The following RNF130 variants were observed in gnomAD, a reference collection of about 807,000 sequenced individuals.
The protein encoded by RNF130 is ring finger protein 130.
A neutral mutation model predicts 44.6 loss-of-function variants in RNF130; 21 were observed. That is an observed-to-expected ratio of 0.47 (90% CI 0.33 to 0.68). The LOEUF (loss-of-function observed/expected upper bound fraction) is 0.68. RNF130 is among the 30% of genes least tolerant of loss of function. The pLI is 0.02. For synonymous variants in RNF130, 214 were observed against 210.4 expected, an observed-to-expected ratio of 1.02 and a Z score of -0.15; for missense variants, 479 against 560.6, an observed-to-expected ratio of 0.85 and a Z score of 1.47.
intron 7 of RNF130, among the ~76,000 whole-genome samples, chr5:179,946,831 G>C (rs1444946465): frequency 6.6e-6 from 1 of 152,204 alleles, no homozygotes; most frequent in Non-Finnish European, 1.5e-5. Flanking sequence ...TGGGATTACA[G>C]ACGTCAGCCA....
At chr5:180,058,553 A>G (rs1249114695) in intron 1 of RNF130, among the ~76,000 whole-genome samples, 1 of 151,782 alleles carries the variant, frequency 6.6e-6, no homozygotes, top group Non-Finnish European at 1.5e-5. Flanking sequence ...TTTAATGGGT[A>G]TGTTTTTATT....
chr5:179,920,005 G>C (rs1454906298), exon 8 of RNF130: 1 of 301,906 alleles, frequency 3.3e-6, no homozygotes, highest in Non-Finnish European at 6.3e-6. Flanking sequence ...ATTGTTCAGA[G>C]ATGCGTCTGC....
intron 2 of RNF130, among the ~76,000 whole-genome samples, chr5:180,015,114 C>T (rs1403202372): frequency 6.6e-6 from 1 of 152,062 alleles, no homozygotes; most frequent in Non-Finnish European, 1.5e-5. Context: ...ACCAGAATAC[C>T]GATTAAAAAT....
In RNF130 at chr5:179,936,452, C is replaced by T. The variant is rs138665033; in HGVS notation, c.1151-16026G>A. 1.2e-3 allele frequency among the ~76,000 whole-genome samples: 181 copies of T among 152,172 alleles called. 1 individual carries two copies. Among genetic ancestry groups the T allele is most frequent in the African/African-American group, 3.5e-3 (147 of 41,498 alleles). ...TCATGTTGCCCAGGCTTGTCTTGAA[C>T]GCCTGAGCTCAAGCAATCCTCCTGT... On this transcript the variant is annotated intron_variant, in intron 7 of 7. Transcript: ENST00000522208.
chr5:179,971,483 C>T (rs1205306343), intron 5 of RNF130, among the ~76,000 whole-genome samples: 3 of 152,306 alleles, frequency 2.0e-5, no homozygotes, highest in Non-Finnish European at 4.4e-5. Context: ...CATTCTCCTG[C>T]CTTAGCCTCA....
chr5:180,059,352 G>C (rs1764917314), intron 1 of RNF130, among the ~76,000 whole-genome samples: 1 of 152,156 alleles, frequency 6.6e-6, no homozygotes, highest in Admixed American at 6.5e-5. Context: ...CCAAGACTAT[G>C]ATTAAATAAT....
At chr5:179,957,022 C>T (rs920227927) in intron 8 of RNF130, among the ~76,000 whole-genome samples, 2 of 152,228 alleles carry the variant, frequency 1.3e-5, no homozygotes, top group African/African-American at 4.8e-5. Flanking sequence ...TAAGGTAACA[C>T]ATTTTCTAAT....
At chr5:180,002,164 C>T (rs1763360409) in intron 3 of RNF130, among the ~76,000 whole-genome samples, 2 of 152,192 alleles carry the variant, frequency 1.3e-5, no homozygotes, top group Non-Finnish European at 2.9e-5. Context: ...GGAGGCGTGG[C>T]GCTGCTTCAA....
At chr5:180,042,281 C>A (rs1764437586) in intron 1 of RNF130, among the ~76,000 whole-genome samples, 1 of 152,156 alleles carries the variant, frequency 6.6e-6, no homozygotes, top group Non-Finnish European at 1.5e-5. Context: ...TGAGAGACTG[C>A]ACCAAGAGTG....
In RNF130 at chr5:180,015,466, AG is replaced by A. The variant is rs370980975; in HGVS notation, c.443-2156del. 71 of 412,034 alleles carry A rather than the reference AG, an allele frequency of 1.7e-4. No individual in the cohort carries two copies. In the East Asian group the frequency reaches 1.8e-3, roughly 10 times the overall value. The allele number at this position is 412,034 out of a possible 1,614,324, so 25.5% of individuals were successfully genotyped here. A position where few individuals can be genotyped will look rare whatever the true frequency, so the allele number is the denominator to read the frequency against. On this transcript the variant is annotated intron_variant, in intron 2 of 8. Coordinates refer to ENST00000521389, the MANE Select transcript of RNF130 (RefSeq NM_018434.6). ...CTGGAAAAGGAGTAGGGAAAGGAGT[AG>A]GGAAAGGAGTAGGGAAAGGAGTAGG...
chr5:179,989,782 T>C (rs1763037794), intron 3 of RNF130, among the ~76,000 whole-genome samples: 1 of 152,208 alleles, frequency 6.6e-6, no homozygotes, highest in Non-Finnish European at 1.5e-5. Flanking sequence ...CTAGCTGTTT[T>C]GTAAATTCTT....
Position 179,935,707 on chromosome 5 carries a change from TTCTC to T in RNF130, c.1151-15285_1151-15282del, listed in dbSNP as rs570512050. Reference sequence around the variant, plus strand: ...TGGATGACTTTTTGTTATTACAGTTTTCTCTCTATTAGTGTATTATATTATTATT... The same window carrying T: ...TGGATGACTTTTTGTTATTACAGTTTTCTATTAGTGTATTATATTATTATT... On this transcript the variant is annotated intron_variant, in intron 7 of 7. Coordinates refer to the RNF130 transcript ENST00000522208. Among the ~76,000 whole-genome samples the T allele has an allele frequency of 7.6e-4, 116 of 152,292 alleles. 1 individual carries two copies. Among genetic ancestry groups the T allele is most frequent in the Admixed American group, 9.2e-4 (14 of 15,288 alleles).
chr5:180,039,392 G>A (rs781222838), intron 2 of RNF130, among the ~76,000 whole-genome samples: 37 of 151,814 alleles, frequency 2.4e-4, no homozygotes, highest in Non-Finnish European at 4.6e-4. Flanking sequence ...ACCCTCCACC[G>A]TGCCCAGCTA....
chr5:180,046,860 G>A (rs1400850834), intron 1 of RNF130, among the ~76,000 whole-genome samples: 1 of 152,166 alleles, frequency 6.6e-6, no homozygotes, highest in Non-Finnish European at 1.5e-5. Context: ...GTTTACTTCT[G>A]AGGCTTTCCT....
intron 2 of RNF130, among the ~76,000 whole-genome samples, chr5:180,018,255 A>G (rs1409795897): frequency 6.6e-6 from 1 of 151,192 alleles, no homozygotes; most frequent in Non-Finnish European, 1.5e-5. Context: ...AGACTGTGCC[A>G]CTGCACTCCA....
chr5:180,053,418 G>A (rs1764733876), intron 1 of RNF130, among the ~76,000 whole-genome samples: 2 of 152,264 alleles, frequency 1.3e-5, no homozygotes, highest in Admixed American at 6.5e-5. Flanking sequence ...ATCTTGATGA[G>A]AAAGAAAATG....
chr5:180,019,995 A>G (rs1047353957), intron 2 of RNF130, among the ~76,000 whole-genome samples: 1 of 152,170 alleles, frequency 6.6e-6, no homozygotes, highest in African/African-American at 2.4e-5. Context: ...GCCAGGAGGG[A>G]AACTGGGAGA....
intron 7 of RNF130, among the ~76,000 whole-genome samples, chr5:179,930,732 C>A (rs558197918): frequency 1.0e-3 from 158 of 152,234 alleles, no homozygotes; most frequent in African/African-American, 3.6e-3. Context: ...GCTAAAAGTT[C>A]TTTTCTTTTA....
At chr5:179,987,798 T>A (rs919150106) in intron 3 of RNF130, among the ~76,000 whole-genome samples, 1 of 152,238 alleles carries the variant, frequency 6.6e-6, no homozygotes, top group Non-Finnish European at 1.5e-5. Context: ...AAAACATCCT[T>A]CTATCCCCGG....
Sources: gnomAD v4.1 joint callset for allele counts (sites outside exome capture counted in the v4.1 genomes callset) on GRCh38, gnomAD v4.1.1 for gene constraint, MANE v1.5 for transcripts, NCBI Gene and HGNC (gene_info 2026-07-23, HGNC 2026-07-21) for gene names.